The following GGA3 variants were observed in gnomAD, a reference collection of about 807,000 sequenced individuals.
GGA3 encodes the protein ADP-ribosylation factor-binding protein GGA3.
A neutral mutation model predicts 77.5 loss-of-function variants in GGA3; 57 were observed. That is an observed-to-expected ratio of 0.74 (90% CI 0.59 to 0.92). GGA3 has a LOEUF of 0.92. Among genes scored for constraint, GGA3 ranks in the 40% least tolerant of loss-of-function variants. The pLI is 0.00. For missense variants in GGA3, 970 were observed against 914.9 expected, an observed-to-expected ratio of 1.06 and a Z score of -0.78; for synonymous variants, 416 against 383.7, an observed-to-expected ratio of 1.08 and a Z score of -0.98.
At chr17:75,240,133 A>C in intron 12 of GGA3, 25 bp from the exon 13 acceptor site, 6 of 585,310 alleles carry the variant, frequency 1.0e-5, no homozygotes, top group Non-Finnish European at 1.7e-5. Flanking sequence ...AAGGGTGGTG[A>C]GCCGAGGGCG....
chr17:75,261,007 G>C (rs1470532622), intron 1 of GGA3, among the ~76,000 whole-genome samples: 1 of 152,184 alleles, frequency 6.6e-6, no homozygotes, highest in Non-Finnish European at 1.5e-5. Flanking sequence ...CTCTATCATC[G>C]CTCTCTTTGG....
intron 1 of GGA3, among the ~76,000 whole-genome samples, chr17:75,260,606 A>G (rs1385729667): frequency 1.3e-5 from 2 of 152,186 alleles, no homozygotes; most frequent in South Asian, 4.1e-4. Flanking sequence ...AAGATCCCGG[A>G]AGCAGTACTA....
At chr17:75,254,942 T>A (rs369273753) in intron 1 of GGA3, among the ~76,000 whole-genome samples, 1 of 151,962 alleles carries the variant, frequency 6.6e-6, no homozygotes, top group Non-Finnish European at 1.5e-5. Flanking sequence ...CCACTGAAAA[T>A]TGGACTGTTC....
At chr17:75,252,265 T>C (rs565049080) in intron 1 of GGA3, among the ~76,000 whole-genome samples, 40 of 151,448 alleles carry the variant, frequency 2.6e-4, no homozygotes, top group Middle Eastern at 6.8e-3. Flanking sequence ...GGTCTCACTC[T>C]ATTGCCCCGG....
At chr17:75,244,376 C>T in intron 4 of GGA3, 1 of 457,882 alleles carries the variant, frequency 2.2e-6, no homozygotes, top group Non-Finnish European at 4.0e-6. Context: ...TCACCCTGGA[C>T]AAACACACAG....
In GGA3 at chr17:75,239,540, G is replaced by T. The variant is rs1249316983; in HGVS notation, c.1615C>A (p.Pro539Thr). ...TSGLVKPTTS[P>T]LIPTTTPARP... Reference sequence around the variant, plus strand: ...GCTGGGGTGGTGGTGGGGATGAGAGGGGAGGTAGTGGGTTTCACCAAGCCC... The same window carrying T: ...GCTGGGGTGGTGGTGGGGATGAGAGTGGAGGTAGTGGGTTTCACCAAGCCC... The change falls in exon 14 of 17, where the codon CCT becomes ACT. Residue 539 changes from proline to threonine, a missense_variant. By Grantham distance (38) the Pro-to-Thr change is conservative. Coordinates refer to ENST00000537686, the MANE Select transcript of GGA3 (RefSeq NM_138619.4). The T allele has an allele frequency of 1.3e-6, 2 of 1,560,964 alleles. No homozygotes were observed. Among genetic ancestry groups the T allele is most frequent in the African/African-American group, 2.7e-5 (2 of 73,380 alleles).
At chr17:75,239,620 G>T in intron 13 of GGA3, 49 bp from the exon 14 acceptor site, 1 of 1,489,638 alleles carries the variant, frequency 6.7e-7, no homozygotes. Flanking sequence ...AGCCAGAGCT[G>T]CAGGACTCTC....
At chr17:75,242,103 A>G (rs929612473) in intron 8 of GGA3, 2 of 592,756 alleles carry the variant, frequency 3.4e-6, no homozygotes, top group Non-Finnish European at 3.0e-6. Flanking sequence ...CTCTGGAGTC[A>G]GACTCAGGTT....
Position 75,239,027 on chromosome 17 carries a change from A to G in GGA3, c.1837T>C (p.Phe613Leu). The change falls in exon 15 of 17, where the codon TTT becomes CTT. Residue 613 changes from phenylalanine to leucine, a missense_variant. Coordinates refer to ENST00000537686, the MANE Select transcript of GGA3 (RefSeq NM_138619.4). ...DKNGFRILFH[F>L]AKECPPGRPD... ...CGTCCTGGGGGACACTCCTTGGCAA[A>G]GTGGAAGAGGATGCGGAAGCCGTTT... 1 of 1,614,046 alleles carries G rather than the reference A, an allele frequency of 6.2e-7. No homozygotes were observed. The highest frequency in any genetic ancestry group is 8.5e-7 in the Non-Finnish European group (1 of 1,180,010).
intron 1 of GGA3, among the ~76,000 whole-genome samples, chr17:75,257,287 C>CCG (rs1804098436): frequency 1.4e-5 from 1 of 73,592 alleles, no homozygotes; most frequent in Admixed American, 1.4e-4. Context: ...TGCCCCCCCC[C>CCG]CCAAAAAAAA....
rs756702602 is a variant in GGA3 at position 75,239,915 on chromosome 17, G to C, written c.1457C>G (p.Thr486Ser). 6.2e-7 allele frequency: 1 copy of C among 1,611,618 alleles called. No homozygotes were observed. The highest frequency in any genetic ancestry group is 8.5e-7 in the Non-Finnish European group (1 of 1,178,924). The change falls in exon 13 of 17, where the codon ACT (threonine) becomes AGT (serine). Residue 486 changes from threonine (T) to serine (S), a missense_variant. By Grantham distance (58) the Thr-to-Ser change is moderately conservative. Coordinates refer to ENST00000537686, the MANE Select transcript of GGA3 (RefSeq NM_138619.4). ...APSAGSSLFS[T>S]GVAPALAPKV... is the part of the protein sequence containing the mutation. ...TGGGGCCAAGGCTGGGGCCACTCCA[G>C]TAGAAAACAAGGAGGAGCCCGCACT...
intron 1 of GGA3, among the ~76,000 whole-genome samples, chr17:75,258,260 C>T (rs1733598968): frequency 6.6e-6 from 1 of 152,198 alleles, no homozygotes; most frequent in Admixed American, 6.5e-5. Flanking sequence ...GTTTGGTAGT[C>T]TCTTCACACG....
intron 1 of GGA3, among the ~76,000 whole-genome samples, chr17:75,259,089 G>T (rs1051488848): frequency 1.3e-5 from 2 of 151,638 alleles, no homozygotes; most frequent in Non-Finnish European, 2.9e-5. Flanking sequence ...GTGTAGCTGG[G>T]ACTACAGGCG....
chr17:75,242,354 C>A lies in GGA3; in HGVS notation c.729G>T (p.Gly243=), dbSNP rs751552023. The A allele has an allele frequency of 3.7e-6, 6 of 1,614,178 alleles. No homozygotes were observed. In the South Asian group the frequency reaches 6.6e-5, roughly 18 times the overall value. ...LHYSQEDSSD[G]DRELMKELFD... is the part of the protein sequence containing the mutation. Reference sequence around the variant, plus strand: ...GTCCCACCTTCATCAGCTCTCTGTCCCCGTCCGAAGAGTCCTCCTGGCTGT... The same window carrying A: ...GTCCCACCTTCATCAGCTCTCTGTCACCGTCCGAAGAGTCCTCCTGGCTGT... The change falls in exon 8 of 17, where the codon GGG becomes GGT. Residue 243 remains glycine (G), a synonymous_variant. Transcript: ENST00000537686.
At chr17:75,243,283 G>T in intron 5 of GGA3, 117 bp from the exon 6 acceptor site, 1 of 1,103,862 alleles carries the variant, frequency 9.1e-7, no homozygotes, top group Non-Finnish European at 1.3e-6. Context: ...AGGGTGGAGG[G>T]CAGGCTGCTA....
chr17:75,251,219 G>A (rs1379723979), intron 1 of GGA3, among the ~76,000 whole-genome samples: 1 of 152,040 alleles, frequency 6.6e-6, no homozygotes, highest in Non-Finnish European at 1.5e-5. Context: ...TCTTTGTTAA[G>A]CACCCGCAGA....
upstream of GGA3, chr17:75,262,206 C>T: frequency 1.5e-6 from 1 of 655,864 alleles, no homozygotes; most frequent in South Asian, 2.0e-5. Flanking sequence ...GCTGAAAGTG[C>T]GGTTCAGCTA....
At chr17:75,242,955 C>A in intron 6 of GGA3, 44 bp from the exon 7 acceptor site, 3 of 1,542,980 alleles carry the variant, frequency 1.9e-6, no homozygotes, top group Non-Finnish European at 2.7e-6. Context: ...AGGCAGCACC[C>A]GTACCCCAGG....
At chr17:75,248,258 T>C (rs2076823244) in intron 1 of GGA3, among the ~76,000 whole-genome samples, 2 of 143,580 alleles carry the variant, frequency 1.4e-5, no homozygotes, top group African/African-American at 5.2e-5. Context: ...GATCACGAGG[T>C]CAGGAGATCG....
Sources: allele counts gnomAD v4.1 joint callset (sites outside exome capture counted in the v4.1 genomes callset), GRCh38; gene constraint gnomAD v4.1.1; transcripts MANE v1.5; gene names NCBI Gene and HGNC (gene_info 2026-07-23, HGNC 2026-07-21).